The following ST8SIA2 variants were observed in gnomAD, a reference collection of about 807,000 sequenced individuals.
The protein encoded by ST8SIA2 is ST8 alpha-N-acetyl-neuraminide alpha-2,8-sialyltransferase 2, also known as alpha-2,8-sialyltransferase 8B.
ST8SIA2 carries 22 observed loss-of-function variants against 37.6 expected under a neutral mutation model. The ratio of observed to expected loss-of-function variants is 0.58; its 90% confidence interval spans 0.42 to 0.83. The LOEUF (loss-of-function observed/expected upper bound fraction) is 0.83, where lower values mean the gene tolerates loss of function less well. Ranked by LOEUF, ST8SIA2 falls within the 40% of genes least tolerant of loss-of-function variation. ST8SIA2 has a pLI of 0.00. For missense variants in ST8SIA2, 382 were observed against 484.7 expected (o/e 0.79, Z 1.99); for synonymous variants, 205 against 201.2 (o/e 1.02, Z -0.16).
chr15:92,444,041 A>T (rs2049822684), intron 4 of ST8SIA2, among the ~76,000 whole-genome samples: 1 of 152,202 alleles, frequency 6.6e-6, no homozygotes, highest in Non-Finnish European at 1.5e-5. Context: ...CCTCCTTCCC[A>T]TAAGAGCGAT....
intron 1 of ST8SIA2, among the ~76,000 whole-genome samples, chr15:92,423,494 TAGAC>T (rs1160089633): frequency 4.6e-5 from 7 of 152,344 alleles, no homozygotes; most frequent in Middle Eastern, 3.4e-3. Flanking sequence ...CTAGGCAACT[TAGAC>T]AGAACAAATT....
At chr15:92,445,021 C>G in intron 5 of ST8SIA2, 92 bp downstream of exon 5, 1 of 1,558,074 alleles carries the variant, frequency 6.4e-7, no homozygotes, top group Non-Finnish European at 8.7e-7. Context: ...ATTTCCATCC[C>G]AGCTCCACCA....
intron 1 of ST8SIA2, among the ~76,000 whole-genome samples, chr15:92,409,968 G>A (rs541172802): frequency 7.2e-5 from 11 of 152,348 alleles, no homozygotes; most frequent in East Asian, 1.9e-4. Context: ...GTGGGGGAGC[G>A]AGTTGTGTAA....
chr15:92,398,963 TGAGGAGGACCA>T (rs1230450634), intron 1 of ST8SIA2, among the ~76,000 whole-genome samples: 1 of 152,220 alleles, frequency 6.6e-6, no homozygotes, highest in African/African-American at 2.4e-5. Context: ...AGAAGGTGAA[TGAGGAGGACCA>T]GAGGAGGACT....
intron 1 of ST8SIA2, among the ~76,000 whole-genome samples, chr15:92,395,501 G>A (rs1015068550): frequency 2.0e-5 from 3 of 152,072 alleles, no homozygotes; most frequent in Non-Finnish European, 2.9e-5. Context: ...TGTGAACTCC[G>A]CTGGGCTTCC....
intron 1 of ST8SIA2, among the ~76,000 whole-genome samples, chr15:92,401,613 C>A (rs1596227906): frequency 6.6e-6 from 1 of 152,314 alleles, no homozygotes; most frequent in East Asian, 1.9e-4. Context: ...CCGATTCACT[C>A]CCCTGGGAAA....
intron 1 of ST8SIA2, among the ~76,000 whole-genome samples, chr15:92,409,515 T>A (rs1168071419): frequency 3.0e-5 from 3 of 99,608 alleles, no homozygotes; most frequent in Non-Finnish European, 5.6e-5. Context: ...GTCTATTTAC[T>A]TTTGTTCTGC....
chr15:92,451,364 A>G (rs996251225), intron 5 of ST8SIA2, among the ~76,000 whole-genome samples: 3 of 152,210 alleles, frequency 2.0e-5, no homozygotes, highest in Non-Finnish European at 4.4e-5. Context: ...GCAGTTGTTC[A>G]GAGCCTGGGG....
At chr15:92,429,732 A>T (rs1233236157) in intron 1 of ST8SIA2, among the ~76,000 whole-genome samples, 1 of 152,220 alleles carries the variant, frequency 6.6e-6, no homozygotes, top group Middle Eastern at 3.2e-3. Flanking sequence ...ATCCTGTGGG[A>T]TTCACCAGGG....
intron 1 of ST8SIA2, among the ~76,000 whole-genome samples, chr15:92,413,164 G>A (rs767942952): frequency 2.0e-5 from 3 of 152,158 alleles, no homozygotes; most frequent in African/African-American, 4.8e-5. Context: ...CTCAGTGCCC[G>A]TTGCAGAGTA....
chr15:92,402,006 A>T (rs2049475752), intron 1 of ST8SIA2, among the ~76,000 whole-genome samples: 1 of 152,068 alleles, frequency 6.6e-6, no homozygotes, highest in Non-Finnish European at 1.5e-5. Context: ...ATTCTGAGAT[A>T]ATGTTCCTTT....
At chr15:92,439,407 C>G (rs1044255485) in intron 4 of ST8SIA2, among the ~76,000 whole-genome samples, 1 of 152,214 alleles carries the variant, frequency 6.6e-6, no homozygotes, top group Non-Finnish European at 1.5e-5. Flanking sequence ...GCCACCTGAC[C>G]CCCAACCCAC....
At chr15:92,413,776 G>A (rs981678146) in intron 1 of ST8SIA2, among the ~76,000 whole-genome samples, 12 of 152,198 alleles carry the variant, frequency 7.9e-5, no homozygotes, top group African/African-American at 2.4e-4. Flanking sequence ...CCTAGAGAGC[G>A]GCAGACAATC....
chr15:92,436,001 C>T (rs1053906221), intron 3 of ST8SIA2, among the ~76,000 whole-genome samples: 14 of 152,082 alleles, frequency 9.2e-5, no homozygotes, highest in Non-Finnish European at 1.8e-4. Context: ...CTCTGGTGGC[C>T]GCAGAACTCC....
intron 1 of ST8SIA2, among the ~76,000 whole-genome samples, chr15:92,414,035 G>A (rs2049569570): frequency 6.6e-6 from 1 of 152,240 alleles, no homozygotes; most frequent in African/African-American, 2.4e-5. Flanking sequence ...AATGGGAAAA[G>A]CAAAGAGGAA....
At chr15:92,423,525 G>A (rs551152440) in intron 1 of ST8SIA2, among the ~76,000 whole-genome samples, 4 of 152,342 alleles carry the variant, frequency 2.6e-5, no homozygotes, top group Non-Finnish European at 4.4e-5. Flanking sequence ...TCATAGTTCC[G>A]GAGGCTGAGA....
chr15:92,443,465 G>T (rs938914883), intron 4 of ST8SIA2, among the ~76,000 whole-genome samples: 9 of 152,148 alleles, frequency 5.9e-5, no homozygotes, highest in African/African-American at 1.9e-4. Flanking sequence ...CTCTTAGTTT[G>T]CCCTCCAGTA....
chr15:92,432,772 G>A (rs1387700637), intron 2 of ST8SIA2, among the ~76,000 whole-genome samples: 1 of 152,166 alleles, frequency 6.6e-6, no homozygotes, highest in Non-Finnish European at 1.5e-5. Context: ...AGGAATGGAG[G>A]TGGGTGCATG....
At chr15:92,445,071 C>T (rs1214631892) in intron 5 of ST8SIA2, 142 bp downstream of exon 5, 4 of 1,238,668 alleles carry the variant, frequency 3.2e-6, no homozygotes, top group Non-Finnish European at 3.4e-6. Context: ...CCTGGCCTTT[C>T]TGAGCCTCCA....
Sources: allele counts gnomAD v4.1 joint callset (sites outside exome capture counted in the v4.1 genomes callset), GRCh38; gene constraint gnomAD v4.1.1; transcripts MANE v1.5; gene names NCBI Gene and HGNC (gene_info 2026-07-23, HGNC 2026-07-21).